Variants in AK7 observed in about 807,000 individuals in gnomAD.
AK7 encodes ATP-AMP transphosphorylase 7.
A neutral mutation model predicts 96.6 loss-of-function variants in AK7; 78 were observed. That is an observed-to-expected ratio of 0.81 (90% CI 0.67 to 0.97). The LOEUF is 0.97. Ranked by LOEUF, AK7 falls within the 50% of genes least tolerant of loss-of-function variation. AK7 has a pLI of 0.00. For synonymous variants in AK7, 302 were observed against 317.2 expected (o/e 0.95, Z 0.51); for missense variants, 855 against 887.9 (o/e 0.96, Z 0.47).
chr14:96,418,405 A>G (rs1566770614), intron 4 of AK7, among the ~76,000 whole-genome samples: 1 of 151,334 alleles, frequency 6.6e-6, no homozygotes, highest in Non-Finnish European at 1.5e-5. Flanking sequence ...TGTGGCTCAG[A>G]AACCCTGATA....
At position 96,404,852 on chromosome 14, in the gene AK7, CT is replaced by C; in HGVS notation, c.391del (p.Trp131GlyfsTer25). 1.9e-6 allele frequency: 3 copies of C among 1,609,116 alleles called. No individual in the cohort carries two copies. The highest frequency in any genetic ancestry group is 2.6e-6 in the Non-Finnish European group (3 of 1,176,298). On this transcript the variant is annotated frameshift_variant, in exon 3 of 18. Coordinates refer to ENST00000267584, the MANE Select transcript of AK7 (RefSeq NM_152327.5). LOFTEE classifies it high-confidence loss of function. The part of the protein sequence containing the change: ...ESSQQMEEAI[W>X]AVSALSEEVS... ...GCTCACAGCAAATGGAGGAAGCCAT[CT>C]GGGCAGTCTCTGGTCAGTGAGGTGT...
intron 13 of AK7, 21 bp downstream of exon 13, chr14:96,471,627 T>A: frequency 6.6e-7 from 1 of 1,505,484 alleles, no homozygotes; most frequent in Non-Finnish European, 8.9e-7. Flanking sequence ...GTGTTCTATT[T>A]TGAGTATTTA....
At chr14:96,419,780 C>CTT (rs1566771603) in intron 4 of AK7, among the ~76,000 whole-genome samples, 1 of 105,722 alleles carries the variant, frequency 9.5e-6, no homozygotes. Flanking sequence ...ATTTTTTTTT[C>CTT]TTTCTTTTCT....
At chr14:96,475,216 G>GT (rs1895107117) in intron 14 of AK7, among the ~76,000 whole-genome samples, 1 of 152,228 alleles carries the variant, frequency 6.6e-6, no homozygotes, top group African/African-American at 2.4e-5. Context: ...CTGAAAGAAA[G>GT]TAGGGCATTG....
chr14:96,393,975 G>T (rs1889904915), intron 1 of AK7, among the ~76,000 whole-genome samples: 1 of 152,074 alleles, frequency 6.6e-6, no homozygotes, highest in African/African-American at 2.4e-5. Context: ...CGGGCGTGGT[G>T]GCAGGCGCCT....
At chr14:96,395,784 C>T (rs1595363410) in intron 1 of AK7, among the ~76,000 whole-genome samples, 1 of 142,106 alleles carries the variant, frequency 7.0e-6, no homozygotes, top group South Asian at 2.2e-4. Flanking sequence ...TTAAATTAAT[C>T]CCCTTTTGAT....
At chr14:96,404,226 T>C (rs1890581099) in intron 2 of AK7, among the ~76,000 whole-genome samples, 4 of 151,542 alleles carry the variant, frequency 2.6e-5, no homozygotes, top group African/African-American at 9.7e-5. Context: ...ATGTATAAAC[T>C]TTACATTTTT....
chr14:96,471,188 G>A (rs1394741665), intron 12 of AK7, among the ~76,000 whole-genome samples: 3 of 151,888 alleles, frequency 2.0e-5, no homozygotes, highest in East Asian at 1.9e-4. Flanking sequence ...AAAAATCAGT[G>A]GGGCATGGTG....
chr14:96,441,705 A>T (rs1392762649), intron 6 of AK7, among the ~76,000 whole-genome samples: 1 of 150,942 alleles, frequency 6.6e-6, no homozygotes, highest in Admixed American at 6.6e-5. Context: ...GGTTTGCTTT[A>T]TGTAGTTCCT....
chr14:96,461,371 T>C (rs956492265), intron 12 of AK7, among the ~76,000 whole-genome samples: 1 of 152,132 alleles, frequency 6.6e-6, no homozygotes, highest in Non-Finnish European at 1.5e-5. Context: ...TGTGAGGACA[T>C]CTGTGGAAGG....
chr14:96,411,685 G>A (rs934781925), intron 4 of AK7, among the ~76,000 whole-genome samples: 5 of 152,156 alleles, frequency 3.3e-5, no homozygotes, highest in African/African-American at 9.7e-5. Flanking sequence ...AGGAGGATGA[G>A]GAAGTCAGTG....
intron 5 of AK7, among the ~76,000 whole-genome samples, chr14:96,433,750 G>A (rs1892486659): frequency 6.6e-6 from 1 of 152,138 alleles, no homozygotes; most frequent in Non-Finnish European, 1.5e-5. Flanking sequence ...AGAAGAAGAG[G>A]TGCTCTGTTT....
chr14:96,470,931 C>T (rs561303545), intron 12 of AK7, among the ~76,000 whole-genome samples: 7 of 152,304 alleles, frequency 4.6e-5, no homozygotes, highest in African/African-American at 1.7e-4. Context: ...GATTACAGAA[C>T]ACTTTGAAAG....
At chr14:96,395,041 T>C (rs1001265197) in intron 1 of AK7, among the ~76,000 whole-genome samples, 2 of 152,194 alleles carry the variant, frequency 1.3e-5, no homozygotes, top group African/African-American at 4.8e-5. Flanking sequence ...TATTTATGTA[T>C]GTTTAGAGAC....
chr14:96,423,775 C>T, intron 5 of AK7: 1 of 736,898 alleles, frequency 1.4e-6, no homozygotes, highest in Non-Finnish European at 2.5e-6. Flanking sequence ...CCACCGGGAC[C>T]CCGAGCGCGT....
In AK7 at chr14:96,432,995, G is replaced by GC. The variant is rs1294246892; in HGVS notation, c.610-4835dup. Among the ~76,000 whole-genome samples the GC allele has an allele frequency of 3.3e-5, 5 of 152,184 alleles. No homozygotes were observed. The East Asian group carries it at 7.7e-4, about 23-fold the overall frequency. ...GGCGACAGAATGATGTTGAATATTG[G>GC]CCCCCACTCTCTTCTGCCTTGTAGA... On this transcript the variant is annotated intron_variant, in intron 5 of 17. Coordinates refer to ENST00000267584, the MANE Select transcript of AK7 (RefSeq NM_152327.5).
At chr14:96,400,649 G>A (rs1029379949) in intron 2 of AK7, among the ~76,000 whole-genome samples, 3 of 152,178 alleles carry the variant, frequency 2.0e-5, no homozygotes, top group Non-Finnish European at 4.4e-5. Flanking sequence ...ACACAGTGAC[G>A]CTCTGGCAAA....
At chr14:96,436,720 G>A (rs542900883) in intron 5 of AK7, among the ~76,000 whole-genome samples, 7 of 152,268 alleles carry the variant, frequency 4.6e-5, no homozygotes, top group Admixed American at 4.6e-4. Context: ...AGAAGTTCAA[G>A]CGAGTTTTCT....
intron 15 of AK7, among the ~76,000 whole-genome samples, chr14:96,480,674 G>A (rs1420106343): frequency 6.6e-6 from 1 of 152,064 alleles, no homozygotes; most frequent in Non-Finnish European, 1.5e-5. Flanking sequence ...TTTCAGTTAG[G>A]TCCCAAAAAC....
Sources: gnomAD v4.1 joint callset for allele counts (sites outside exome capture counted in the v4.1 genomes callset) on GRCh38, gnomAD v4.1.1 for gene constraint, MANE v1.5 for transcripts, NCBI Gene and HGNC (gene_info 2026-07-23, HGNC 2026-07-21) for gene names.